Variants in CAMTA1 observed in about 807,000 individuals in gnomAD.
The protein encoded by CAMTA1 is calmodulin-binding transcription activator 1.
CAMTA1 carries 27 observed loss-of-function variants against 170.9 expected under a neutral mutation model. The ratio of observed to expected loss-of-function variants is 0.16; its 90% CI spans 0.12 to 0.22. The LOEUF is 0.22. Ranked by LOEUF, CAMTA1 falls within the 10% of genes least tolerant of loss-of-function variation. The probability of loss-of-function intolerance (pLI) is 1.00; values close to 1 mark genes in which losing one functional copy is unlikely to be tolerated. For synonymous variants in CAMTA1, 833 were observed against 891.5 expected, an observed-to-expected ratio of 0.93 and a Z score of 1.17; for missense variants, 1,619 against 2,217.2, an observed-to-expected ratio of 0.73 and a Z score of 5.42.
At chr1:6,826,047 T>C (rs1311573515) in intron 3 of CAMTA1, among the ~76,000 whole-genome samples, 1 of 152,200 alleles carries the variant, frequency 6.6e-6, no homozygotes. Flanking sequence ...TAAAGCAAAT[T>C]TAGCACCCTA....
chr1:7,593,630 C>T (rs1422573863), intron 6 of CAMTA1, among the ~76,000 whole-genome samples: 3 of 151,398 alleles, frequency 2.0e-5, no homozygotes, highest in Admixed American at 6.6e-5. Flanking sequence ...GCTGGGACTA[C>T]GAGCATGCAC....
intron 4 of CAMTA1, among the ~76,000 whole-genome samples, chr1:7,212,445 TACATG>T (rs1322393093): frequency 6.6e-6 from 1 of 151,932 alleles, no homozygotes; most frequent in African/African-American, 2.4e-5. Flanking sequence ...GATAAGCAGA[TACATG>T]TATACTTTCT....
intron 5 of CAMTA1, among the ~76,000 whole-genome samples, chr1:7,453,201 C>T (rs1011488398): frequency 9.9e-5 from 15 of 152,212 alleles, no homozygotes; most frequent in African/African-American, 1.2e-4. Flanking sequence ...TCGTGTCCAG[C>T]GGCAGCCTGG....
intron 5 of CAMTA1, among the ~76,000 whole-genome samples, chr1:7,450,646 A>G (rs1057455152): frequency 2.6e-5 from 4 of 152,238 alleles, no homozygotes; most frequent in South Asian, 2.1e-4. Context: ...TTGGATTCCA[A>G]CGAGTCATAT....
intron 5 of CAMTA1, among the ~76,000 whole-genome samples, chr1:7,265,778 G>C (rs551924286): frequency 1.3e-5 from 2 of 152,274 alleles, no homozygotes; most frequent in African/African-American, 4.8e-5. Context: ...CCACTGGACA[G>C]CCCTGGGCCT....
intron 5 of CAMTA1, among the ~76,000 whole-genome samples, chr1:7,451,565 A>C (rs2092825272): frequency 6.6e-6 from 1 of 152,110 alleles, no homozygotes; most frequent in Non-Finnish European, 1.5e-5. Context: ...ACTGTGTGCC[A>C]AGTGCTGTGT....
At chr1:7,122,579 T>C (rs1272367763) in intron 4 of CAMTA1, among the ~76,000 whole-genome samples, 2 of 152,170 alleles carry the variant, frequency 1.3e-5, no homozygotes, top group Non-Finnish European at 2.9e-5. Context: ...GCATGCCGTC[T>C]GAGCATAACT....
chr1:7,498,205 T>A lies in CAMTA1; in HGVS notation c.510+30304T>A, dbSNP rs145498663. Among the ~76,000 whole-genome samples, 579 of 151,756 alleles carry A rather than the reference T, an allele frequency of 3.8e-3. 6 individuals are homozygous for A. The highest frequency in any genetic ancestry group is 6.8e-3 in the Middle Eastern group (2 of 292). On this transcript the variant is annotated intron_variant, in intron 6 of 22. Transcript: ENST00000303635. Reference sequence around the variant, plus strand: ...GTATGAGAGTGAGTGTGTGTGTGTGTGACAGTGTGGATGTGTGTGTATGAG... The same window carrying A: ...GTATGAGAGTGAGTGTGTGTGTGTGAGACAGTGTGGATGTGTGTGTATGAG...
intron 1 of CAMTA1, among the ~76,000 whole-genome samples, chr1:6,790,824 A>G (rs1443435704): frequency 6.6e-6 from 1 of 152,236 alleles, no homozygotes; most frequent in African/African-American, 2.4e-5. Flanking sequence ...CAGGTTAGGT[A>G]TAAATAATGA....
At chr1:7,586,675 C>T (rs2095312741) in intron 6 of CAMTA1, among the ~76,000 whole-genome samples, 1 of 152,142 alleles carries the variant, frequency 6.6e-6, no homozygotes. Context: ...CGCCTGGGCA[C>T]ACCAGCCGAC....
chr1:7,435,500 C>T lies in CAMTA1; in HGVS notation c.439-32330C>T, dbSNP rs947659198. Among the ~76,000 whole-genome samples, 1 of 152,212 alleles carries T rather than the reference C, an allele frequency of 6.6e-6. No individual in the cohort carries two copies. Among genetic ancestry groups the T allele is most frequent in the Admixed American group, 6.5e-5 (1 of 15,284 alleles). Reference sequence around the variant, plus strand: ...TCCGGTTTGTTGAGGGTTGGGTCATCATCCCCTCTGTTACCCTGAAGAGAG... The same window carrying T: ...TCCGGTTTGTTGAGGGTTGGGTCATTATCCCCTCTGTTACCCTGAAGAGAG... On this transcript the variant is annotated intron_variant, in intron 5 of 22. Transcript: ENST00000303635. This position sits in a 1 kb window ranked among gnomAD's most constrained non-coding sequence, Gnocchi z 4.4.
intron 3 of CAMTA1, among the ~76,000 whole-genome samples, chr1:6,922,608 G>A (rs989603377): frequency 2.0e-5 from 3 of 152,212 alleles, no homozygotes; most frequent in African/African-American, 4.8e-5. Flanking sequence ...TGCATGTCCT[G>A]AGAAAAGCCG....
At chr1:7,520,562 G>A (rs905323754) in intron 6 of CAMTA1, among the ~76,000 whole-genome samples, 4 of 151,744 alleles carry the variant, frequency 2.6e-5, no homozygotes, top group African/African-American at 9.7e-5. Context: ...CCCACAGAGA[G>A]GGAAGAGCAC....
At chr1:7,698,700 T>C (rs12756299) in intron 11 of CAMTA1, 61,636 of 152,246 alleles carry the variant, frequency 0.4, 13,341 homozygotes, top group Middle Eastern at 0.55. Flanking sequence ...AAGTTCTGAA[T>C]GCTGTTCTCG....
At chr1:7,079,156 C>T (rs547890736) in intron 3 of CAMTA1, among the ~76,000 whole-genome samples, 47 of 152,198 alleles carry the variant, frequency 3.1e-4, no homozygotes, top group African/African-American at 1.0e-3. Context: ...GTAGAGACTC[C>T]GGAAGGAAGA....
At position 7,562,460 on chromosome 1, in the gene CAMTA1, G is replaced by T. The variant is rs978097282; in HGVS notation, c.511-77940G>T. 5.9e-5 allele frequency among the ~76,000 whole-genome samples: 9 copies of T among 152,226 alleles called. No homozygotes were observed. Among genetic ancestry groups the T allele is most frequent in the Non-Finnish European group, 1.0e-4 (7 of 67,996 alleles). ...TGCTGGAACTTCTGCCTGGCTCTCC[G>T]CATTCTTCCCCCAGGCTGGCAGACG... is the stretch of plus-strand genomic sequence containing the variant. On this transcript the variant is annotated intron_variant, in intron 6 of 22. Transcript: ENST00000303635. This position sits in a 1 kb window ranked among gnomAD's most constrained non-coding sequence, Gnocchi z 4.8.
At chr1:7,466,231 CTT>C (rs1325774312) in intron 5 of CAMTA1, among the ~76,000 whole-genome samples, 1 of 152,186 alleles carries the variant, frequency 6.6e-6, no homozygotes, top group Admixed American at 6.5e-5. Flanking sequence ...AACACCGTGT[CTT>C]GAAAACCAGA....
chr1:7,595,525 A>G (rs2095393130), intron 6 of CAMTA1, among the ~76,000 whole-genome samples: 1 of 152,162 alleles, frequency 6.6e-6, no homozygotes, highest in Non-Finnish European at 1.5e-5. Flanking sequence ...CTGGAGGCTG[A>G]TTCTGCTTCA....
intron 22 of CAMTA1, among the ~76,000 whole-genome samples, chr1:7,756,116 G>A (rs1029276640): frequency 8.6e-5 from 13 of 151,546 alleles, no homozygotes; most frequent in East Asian, 3.9e-4. Context: ...CTAGGAGGTC[G>A]TACTAGGGTT....
Sources: gnomAD v4.1 joint callset for allele counts (sites outside exome capture counted in the v4.1 genomes callset) on GRCh38, gnomAD v4.1.1 for gene constraint, Gnocchi (gnomAD v3.1) non-coding constraint, MANE v1.5 for transcripts, NCBI Gene and HGNC (gene_info 2026-07-23, HGNC 2026-07-21) for gene names.